CEPT1: variants seen among roughly 807,000 people sequenced by gnomAD.
CEPT1 encodes choline/ethanolaminephosphotransferase 1.
A neutral mutation model predicts 42.6 loss-of-function variants in CEPT1; 7 were observed. The ratio of observed to expected loss-of-function variants is 0.16; its 90% CI spans 0.09 to 0.31. The LOEUF is 0.31. Among genes scored for constraint, CEPT1 ranks in the 10% least tolerant of loss-of-function variants. CEPT1 has a pLI of 1.00. For synonymous variants in CEPT1, 171 were observed against 171.9 expected, an observed-to-expected ratio of 0.99 and a Z score of 0.04; for missense variants, 306 against 502.1, an observed-to-expected ratio of 0.61 and a Z score of 3.73.
chr1:111,173,981 T>G (rs1656550194), intron 4 of CEPT1, among the ~76,000 whole-genome samples: 1 of 152,116 alleles, frequency 6.6e-6, no homozygotes, highest in East Asian at 1.9e-4. Flanking sequence ...TATTATAAAT[T>G]TATAATTCCA....
At chr1:111,165,044 C>CTTTTTTT (rs11323094) in intron 4 of CEPT1, among the ~76,000 whole-genome samples, 21 of 83,992 alleles carry the variant, frequency 2.5e-4, no homozygotes, top group African/African-American at 5.0e-4. Context: ...AAACATCGGT[C>CTTTTTTT]TTTTTTTTTT....
intron 2 of CEPT1, among the ~76,000 whole-genome samples, chr1:111,151,961 T>TAGGG (rs1644386513): frequency 6.6e-6 from 1 of 152,216 alleles, no homozygotes; most frequent in African/African-American, 2.4e-5. Flanking sequence ...TTATGATTTG[T>TAGGG]AGGGCATGAC....
intron 1 of CEPT1, among the ~76,000 whole-genome samples, chr1:111,143,718 C>T (rs1654794433): frequency 6.6e-6 from 1 of 151,920 alleles, no homozygotes; most frequent in African/African-American, 2.4e-5. Context: ...TTTCAGGTGG[C>T]TACAATAACT....
chr1:111,161,051 A>C (rs1655844463), intron 3 of CEPT1, 104 bp from the exon 4 acceptor site: 1 of 1,129,670 alleles, frequency 8.9e-7, no homozygotes, highest in Non-Finnish European at 1.3e-6. Context: ...CTGAGAGAAG[A>C]TTATGCATTT....
chr1:111,145,627 G>C (rs1478111272), intron 1 of CEPT1, among the ~76,000 whole-genome samples: 1 of 152,192 alleles, frequency 6.6e-6, no homozygotes, highest in Non-Finnish European at 1.5e-5. Flanking sequence ...CATGAGCTGA[G>C]TGCCTACATT....
At chr1:111,184,045 TATGTGA>T in intron 8 of CEPT1, 140 bp from the exon 9 acceptor site, 1 of 833,132 alleles carries the variant, frequency 1.2e-6, no homozygotes, top group Non-Finnish European at 1.9e-6. Flanking sequence ...AAAGAGTTTG[TATGTGA>T]AGGAAAGATT....
chr1:111,177,769 A>C (rs933957148), intron 5 of CEPT1, among the ~76,000 whole-genome samples: 4 of 152,276 alleles, frequency 2.6e-5, no homozygotes, highest in African/African-American at 7.2e-5. Flanking sequence ...CACATCTGAA[A>C]TGGAGTTCCC....
At chr1:111,153,179 T>A (rs1019232547) in intron 2 of CEPT1, among the ~76,000 whole-genome samples, 1 of 152,166 alleles carries the variant, frequency 6.6e-6, no homozygotes, top group Non-Finnish European at 1.5e-5. Context: ...TTTACTTCTA[T>A]GAGCATTTTT....
intron 5 of CEPT1, chr1:111,179,828 C>T (rs535410781): frequency 1.3e-5 from 2 of 152,222 alleles, no homozygotes; most frequent in Admixed American, 6.5e-5. Context: ...ATTGAGCCAC[C>T]TACAATAACC....
chr1:111,147,300 A>G (rs1655020289), intron 1 of CEPT1, among the ~76,000 whole-genome samples: 1 of 152,204 alleles, frequency 6.6e-6, no homozygotes, highest in Non-Finnish European at 1.5e-5. Context: ...CAGTTTCCGT[A>G]TATGTGTAAT....
rs1369864095 is a variant in CEPT1, at chr1:111,147,759, C to A, written c.45C>A (p.His15Gln). 16 of 1,613,664 alleles carry A rather than the reference C, an allele frequency of 9.9e-6. No individual in the cohort carries two copies. Among genetic ancestry groups the A allele is most frequent in the Non-Finnish European group, 1.4e-5 (16 of 1,179,702 alleles). The change falls in exon 2 of 9, where the codon CAC (histidine) becomes CAA (glutamine). Residue 15 changes from histidine to glutamine, a missense_variant. His to Gln is a conservative substitution (Grantham distance 24). Around this residue, in one of 2 missense-constraint regions of CEPT1, gnomAD observed 53 missense variants for 54.8 expected, o/e 0.97. Coordinates refer to ENST00000357172, the MANE Select transcript of CEPT1 (RefSeq NM_006090.5). The part of the protein sequence containing the change: ...RSTRKRCGDS[H>Q]PESPVGFGHM... ...CAAGGAAAAGATGTGGAGATTCTCA[C>A]CCGGAGTCCCCAGTGGGCTTCGGGC...
intron 2 of CEPT1, among the ~76,000 whole-genome samples, chr1:111,148,408 G>T (rs1051002103): frequency 6.6e-6 from 1 of 151,250 alleles, no homozygotes; most frequent in African/African-American, 2.4e-5. Flanking sequence ...AAACTCTCTG[G>T]TATTTAGTAT....
chr1:111,169,037 C>T (rs1656284312), intron 4 of CEPT1, among the ~76,000 whole-genome samples: 1 of 152,312 alleles, frequency 6.6e-6, no homozygotes, highest in East Asian at 1.9e-4. Context: ...TTATACCTCA[C>T]ACAATGTAAA....
chr1:111,164,677 G>A (rs1274200446), intron 4 of CEPT1, among the ~76,000 whole-genome samples: 2 of 150,410 alleles, frequency 1.3e-5, no homozygotes, highest in African/African-American at 2.5e-5. Context: ...AGGCTGGAGT[G>A]TAGTGGCACA....
chr1:111,178,687 T>C (rs1317047512), intron 5 of CEPT1: 1 of 152,180 alleles, frequency 6.6e-6, no homozygotes, highest in African/African-American at 2.4e-5. Flanking sequence ...TCATGGTTAC[T>C]TTTACTGATG....
At chr1:111,170,174 T>A (rs547479089) in intron 4 of CEPT1, among the ~76,000 whole-genome samples, 1 of 152,302 alleles carries the variant, frequency 6.6e-6, no homozygotes, top group African/African-American at 2.4e-5. Flanking sequence ...GAGAGGATTC[T>A]CCTTTTGGGT....
At position 111,146,066 on chromosome 1, in the gene CEPT1, T is replaced by C. The variant is rs539937260; in HGVS notation, c.-73-1576T>C. ...CCTATGCCACTAATCTTTTTTGTTC[T>C]ATTAAGATTCTTTCTTTTTTTTTTT... On this transcript the variant is annotated intron_variant, in intron 1 of 8. Transcript: ENST00000357172. 6.4e-4 allele frequency among the ~76,000 whole-genome samples: 98 copies of C among 151,982 alleles called. 1 individual carries two copies. Among genetic ancestry groups the C allele is most frequent in the Admixed American group, 5.6e-3 (85 of 15,292 alleles).
intron 1 of CEPT1, 48 bp from the exon 2 acceptor site, chr1:111,147,594 G>C (rs1408020611): frequency 3.1e-6 from 2 of 645,850 alleles, no homozygotes; most frequent in Non-Finnish European, 5.0e-6. Flanking sequence ...GATGTAAATA[G>C]TGGCCAACAA....
At chr1:111,178,335 C>T (rs1351573263) in intron 5 of CEPT1, 1 of 152,122 alleles carries the variant, frequency 6.6e-6, no homozygotes, top group South Asian at 2.1e-4. Context: ...TCCAGAAGAT[C>T]AGCTGTTTTG....
Sources: gnomAD v4.1 joint callset for allele counts (sites outside exome capture counted in the v4.1 genomes callset) on GRCh38, gnomAD v4.1.1 for gene constraint, gnomAD v4.1.1 regional missense constraint, MANE v1.5 for transcripts, NCBI Gene and HGNC (gene_info 2026-07-23, HGNC 2026-07-21) for gene names.